The following TCF25 variants were observed in gnomAD, a reference collection of about 807,000 sequenced individuals.
TCF25 encodes the protein ribosome quality control complex subunit TCF25.
TCF25 carries 41 observed loss-of-function variants against 83.1 expected under a neutral mutation model. That is an observed-to-expected ratio of 0.49 (90% CI 0.38 to 0.64). The LOEUF is 0.64. Ranked by LOEUF, TCF25 falls within the 30% of genes least tolerant of loss-of-function variation. TCF25 has a pLI of 0.00. For synonymous variants in TCF25, 458 were observed against 365.0 expected, an observed-to-expected ratio of 1.25 and a Z score of -2.90; for missense variants, 979 against 914.5, an observed-to-expected ratio of 1.07 and a Z score of -0.91.
At chr16:89,874,321 G>A (rs1347083032) in intron 1 of TCF25, among the ~76,000 whole-genome samples, 1 of 151,870 alleles carries the variant, frequency 6.6e-6, no homozygotes, top group African/African-American at 2.4e-5. Flanking sequence ...AAGACGGGGG[G>A]GTGGCGAGGC....
Position 89,898,888 on chromosome 16 carries a change from G to A in TCF25, c.1221+16G>A, listed in dbSNP as rs745727799. ...GGAGTGGGAGGTGGGTGCGAGCCTG[G>A]TGAGGCCCCGTGGAGGGACGGACAC... On this transcript the variant is annotated intron_variant, in intron 11 of 17. Transcript: ENST00000263346. The A allele has an allele frequency of 6.2e-7, 1 of 1,611,362 alleles. No homozygotes were observed. The highest frequency in any genetic ancestry group is 1.1e-5 in the South Asian group (1 of 91,014).
At chr16:89,884,457 T>A in intron 2 of TCF25, 125 bp from the exon 3 acceptor site, 1 of 930,804 alleles carries the variant, frequency 1.1e-6, no homozygotes, top group Non-Finnish European at 1.6e-6. Context: ...TTGAAGGAAC[T>A]TTTGGGACAC....
In TCF25 at chr16:89,904,993, C is replaced by A. The variant is rs371828320; in HGVS notation, c.1525C>A (p.Leu509Ile). The A allele has an allele frequency of 4.4e-6, 7 of 1,607,660 alleles. No individual in the cohort carries two copies. The highest frequency in any genetic ancestry group is 2.2e-5 in the East Asian group (1 of 44,540). Residue 509 changes from leucine to isoleucine, a missense_variant, in exon 14 of 18, where the codon CTC (leucine) becomes ATC (isoleucine). Coordinates refer to ENST00000263346, the MANE Select transcript of TCF25 (RefSeq NM_014972.3). ...VNLYLGRSHF[L>I]WKEPATMSWL... ...CCTGTACCTTGGGAGGTCACACTTT[C>A]TCTGGAAAGAGCCCGCCACCATGAG...
intron 17 of TCF25, 32 bp downstream of exon 17, chr16:89,910,695 C>G (rs1212913013): frequency 2.5e-6 from 4 of 1,606,316 alleles, no homozygotes; most frequent in East Asian, 2.2e-5. Context: ...CCCTGCCTCC[C>G]CAGTGGGTGC....
intron 4 of TCF25, 66 bp from the exon 5 acceptor site, chr16:89,887,586 T>C: frequency 6.8e-7 from 1 of 1,461,210 alleles, no homozygotes; most frequent in South Asian, 1.4e-5. Context: ...GGTGGCTTTC[T>C]GAAGCTTTTG....
At chr16:89,904,523 T>G in intron 13 of TCF25, 1 of 497,138 alleles carries the variant, frequency 2.0e-6, no homozygotes, top group Non-Finnish European at 3.7e-6. Context: ...AAAGGTACAG[T>G]GAGCTGTGTT....
At chr16:89,904,277 C>T in intron 13 of TCF25, 72 bp downstream of exon 13, 1 of 1,469,502 alleles carries the variant, frequency 6.8e-7, no homozygotes, top group Non-Finnish European at 9.3e-7. Context: ...TTTCACTCAT[C>T]CTGAGAGGCC....
At chr16:89,878,677 G>C (rs796090029) in intron 1 of TCF25, 1 of 1,059,352 alleles carries the variant, frequency 9.4e-7, no homozygotes, top group South Asian at 2.6e-5. Flanking sequence ...GTCTTGCGCT[G>C]TCGCCCAGGC....
At position 89,899,094 on chromosome 16, in the gene TCF25, C is replaced by T. The variant is rs149712139; in HGVS notation, c.1221+222C>T. 2.0e-4 allele frequency among the ~76,000 whole-genome samples: 30 copies of T among 152,306 alleles called. No homozygotes were observed. In the East Asian group the frequency reaches 4.3e-3, roughly 22 times the overall value. Reference sequence around the variant, plus strand: ...TACAGCAGCCTTATGTCAGAATCCTCATACGTGTGTACACATGCTCAAACG... The same window carrying T: ...TACAGCAGCCTTATGTCAGAATCCTTATACGTGTGTACACATGCTCAAACG... On this transcript the variant is annotated intron_variant, in intron 11 of 17. Transcript: ENST00000263346.
intron 5 of TCF25, among the ~76,000 whole-genome samples, chr16:89,891,066 T>G (rs1281290266): frequency 2.0e-5 from 3 of 152,120 alleles, no homozygotes; most frequent in African/African-American, 7.2e-5. Flanking sequence ...GACAGCCCGG[T>G]CAGCTCATCG....
intron 11 of TCF25, among the ~76,000 whole-genome samples, 168 bp downstream of exon 11, chr16:89,899,040 G>C (rs116138794): frequency 1.3e-5 from 2 of 152,198 alleles, no homozygotes; most frequent in African/African-American, 4.8e-5. Flanking sequence ...CCGCCTCTAC[G>C]GAGTGGAATG....
At chr16:89,888,287 G>A (rs1225554695) in intron 5 of TCF25, among the ~76,000 whole-genome samples, 4 of 151,078 alleles carry the variant, frequency 2.6e-5, no homozygotes, top group Non-Finnish European at 5.9e-5. Context: ...TTCAAAAGCT[G>A]TTAAATTTTA....
intron 1 of TCF25, among the ~76,000 whole-genome samples, chr16:89,882,303 G>C (rs946974506): frequency 1.3e-5 from 2 of 152,208 alleles, no homozygotes; most frequent in African/African-American, 2.4e-5. Flanking sequence ...GGGAGGCTGA[G>C]GCAGGAGGAT....
In TCF25 at chr16:89,896,146, G is replaced by C. The variant is rs1597340517; in HGVS notation, c.1022+63G>C. On this transcript the variant is annotated intron_variant, in intron 9 of 17. Transcript: ENST00000263346. Reference sequence around the variant, plus strand: ...TCCCTTCTCCTGCGAGTGAGGCTGGGGGAGGTGCAGTGGGCACCTCATGGC... The same window carrying C: ...TCCCTTCTCCTGCGAGTGAGGCTGGCGGAGGTGCAGTGGGCACCTCATGGC... 4.4e-5 allele frequency: 67 copies of C among 1,534,032 alleles called. No homozygotes were observed. The East Asian group carries it at 1.5e-3, about 34-fold the overall frequency.
At chr16:89,887,119 G>A (rs2043075900) in intron 4 of TCF25, among the ~76,000 whole-genome samples, 1 of 151,686 alleles carries the variant, frequency 6.6e-6, no homozygotes, top group African/African-American at 2.4e-5. Context: ...CTGCAGCCTC[G>A]ACCTCCTGGG....
chr16:89,904,335 G>T, intron 13 of TCF25, 130 bp downstream of exon 13: 2 of 1,030,292 alleles, frequency 1.9e-6, no homozygotes, highest in Admixed American at 2.1e-5. Context: ...TGGCGGCCTC[G>T]GGGACTGTCA....
chr16:89,908,275 T>A (rs1376361346), intron 16 of TCF25, among the ~76,000 whole-genome samples: 23 of 59,334 alleles, frequency 3.9e-4, no homozygotes, highest in African/African-American at 6.1e-4. Flanking sequence ...CCCTCTTCCC[T>A]CCTCCCAGTT....
chr16:89,908,840 G>A (rs749079500), intron 16 of TCF25: 25 of 791,638 alleles, frequency 3.2e-5, no homozygotes, highest in Middle Eastern at 4.4e-4. Context: ...CTCCCACCTC[G>A]CAGCTCCCAG....
intron 1 of TCF25, among the ~76,000 whole-genome samples, chr16:89,875,437 G>C (rs888463103): frequency 1.3e-5 from 2 of 149,066 alleles, no homozygotes; most frequent in Non-Finnish European, 3.0e-5. Flanking sequence ...CGTGCTGAAA[G>C]ATACTGGAGC....
Sources: allele counts gnomAD v4.1 joint callset (sites outside exome capture counted in the v4.1 genomes callset), GRCh38; gene constraint gnomAD v4.1.1; transcripts MANE v1.5; gene names NCBI Gene and HGNC (gene_info 2026-07-23, HGNC 2026-07-21).